ANKRD12: variants seen among roughly 807,000 people sequenced by gnomAD.
The protein encoded by ANKRD12 is ankyrin repeat domain-containing protein 12.
ANKRD12 carries 85 observed loss-of-function variants against 183.4 expected under a neutral mutation model. That is an observed-to-expected ratio of 0.46 (90% CI 0.39 to 0.56). The LOEUF is 0.56. Ranked by LOEUF, ANKRD12 falls within the 20% of genes least tolerant of loss-of-function variation. The pLI is 0.00. For missense variants in ANKRD12, 2,405 were observed against 2,357.1 expected (o/e 1.02, Z -0.42); for synonymous variants, 914 against 800.2 (o/e 1.14, Z -2.40).
At chr18:9,261,777 A>G (rs1230273701) in intron 9 of ANKRD12, among the ~76,000 whole-genome samples, 4 of 152,066 alleles carry the variant, frequency 2.6e-5, no homozygotes, top group Admixed American at 2.0e-4. Flanking sequence ...TTCCCACATG[A>G]TTCGTTTCAC....
intron 11 of ANKRD12, among the ~76,000 whole-genome samples, chr18:9,279,095 CATGAGAAAGAATTT>C (rs2039989766): frequency 1.9e-3 from 1 of 540 alleles, no homozygotes; most frequent in Non-Finnish European, 4.2e-3. Flanking sequence ...AGAATTTCTT[CATGAGAAAGAATTT>C]CTTCATGAGC....
At chr18:9,261,458 CAGAATTGTAAGATTGTAA>C (rs1466950638) in intron 9 of ANKRD12, among the ~76,000 whole-genome samples, 4 of 152,114 alleles carry the variant, frequency 2.6e-5, no homozygotes, top group Non-Finnish European at 5.9e-5. Flanking sequence ...TAGATCTTTA[CAGAATTGTAAGATTGTAA>C]AGAATTGTAA....
intron 10 of ANKRD12, among the ~76,000 whole-genome samples, chr18:9,273,876 C>T (rs2039716706): frequency 6.6e-6 from 1 of 152,100 alleles, no homozygotes; most frequent in South Asian, 2.1e-4. Flanking sequence ...CTTCATCTGA[C>T]ATAGATTAAC....
At chr18:9,145,745 T>G (rs1409081919) in intron 1 of ANKRD12, among the ~76,000 whole-genome samples, 4 of 152,226 alleles carry the variant, frequency 2.6e-5, no homozygotes, top group Non-Finnish European at 2.9e-5. Context: ...TAATAAAAAT[T>G]AATTTCCAAG....
chr18:9,254,340 TTGA>T lies in ANKRD12; in HGVS notation c.1077_1079del (p.Asp359del). ...AGTAAAACACCTCTTCCATCTGCCCTTGATGAGTATGAGTTCAAAGATGATGAT... is the reference window on the plus strand; with the variant it reads ...AGTAAAACACCTCTTCCATCTGCCCTTGAGTATGAGTTCAAAGATGATGAT... On this transcript the variant is annotated inframe_deletion, in exon 9 of 13. Coordinates refer to ENST00000262126, the MANE Select transcript of ANKRD12 (RefSeq NM_015208.5). 1 of 1,613,070 alleles carries T rather than the reference TTGA, an allele frequency of 6.2e-7. No homozygotes were observed. Among genetic ancestry groups the T allele is most frequent in the Non-Finnish European group, 8.5e-7 (1 of 1,179,500 alleles).
chr18:9,234,122 A>G lies in ANKRD12; in HGVS notation c.943+12123A>G, dbSNP rs76689723. Among the ~76,000 whole-genome samples, 651 of 152,238 alleles carry G rather than the reference A, an allele frequency of 4.3e-3. 4 individuals are homozygous for G. The highest frequency in any genetic ancestry group is 0.015 in the African/African-American group (626 of 41,528). ...TCAGCAGAGCCGCACAGAATGGAGA[A>G]GGAATCCACCCTTCGTACACAGGCC... On this transcript the variant is annotated intron_variant, in intron 8 of 12. Coordinates refer to ENST00000262126, the MANE Select transcript of ANKRD12 (RefSeq NM_015208.5).
intron 8 of ANKRD12, among the ~76,000 whole-genome samples, chr18:9,253,120 A>C (rs1469261836): frequency 6.6e-6 from 1 of 152,200 alleles, no homozygotes; most frequent in East Asian, 1.9e-4. Context: ...TGTGGGGTAC[A>C]TGTGATATTT....
At chr18:9,248,888 T>G (rs2038119583) in intron 8 of ANKRD12, among the ~76,000 whole-genome samples, 1 of 152,208 alleles carries the variant, frequency 6.6e-6, no homozygotes, top group Non-Finnish European at 1.5e-5. Context: ...ATTGCTGAGT[T>G]TAGAGGAAAC....
At chr18:9,208,850 A>T in intron 5 of ANKRD12, 47 bp downstream of exon 5, 1 of 1,437,442 alleles carries the variant, frequency 7.0e-7, no homozygotes, top group South Asian at 1.6e-5. Context: ...AGTTTTCCTC[A>T]GGCAACTGTA....
intron 6 of ANKRD12, among the ~76,000 whole-genome samples, chr18:9,212,477 A>G (rs57907646): frequency 0.78 from 118,734 of 151,688 alleles, 46,693 homozygotes; most frequent in Middle Eastern, 0.88. Context: ...AGATATTTCT[A>G]TATATTCTTA....
chr18:9,150,943 G>A (rs542197339), intron 1 of ANKRD12, among the ~76,000 whole-genome samples: 1 of 146,580 alleles, frequency 6.8e-6, no homozygotes, highest in East Asian at 2.0e-4. Flanking sequence ...GTAAGCCATC[G>A]CGCCCAGCCA....
At chr18:9,274,741 TG>T (rs1011671141) in intron 10 of ANKRD12, among the ~76,000 whole-genome samples, 2 of 152,200 alleles carry the variant, frequency 1.3e-5, no homozygotes, top group Non-Finnish European at 2.9e-5. Context: ...TTTCTACTTT[TG>T]GAACACTGGG....
At chr18:9,195,313 A>G (rs1399314182) in intron 2 of ANKRD12, among the ~76,000 whole-genome samples, 1 of 152,200 alleles carries the variant, frequency 6.6e-6, no homozygotes, top group African/African-American at 2.4e-5. Flanking sequence ...AAACCTGCAC[A>G]GGTACCCCTG....
Position 9,257,712 on chromosome 18 carries a change from C to T in ANKRD12, c.4445C>T (p.Pro1482Leu), listed in dbSNP as rs777011650. ...ELPGNSCAQD[P>L]ASFMPPQQPC... ...CCAGGAAACTCTTGTGCTCAGGATC[C>T]GGCATCCTTTATGCCTCCACAGCAG... The change falls in exon 9 of 13, where the codon CCG (proline) becomes CTG (leucine). Residue 1482 changes from proline to leucine, a missense_variant. Physicochemically the swap from Pro to Leu is moderately conservative, Grantham distance 98 (BLOSUM62 -3). This residue lies in a region of ANKRD12 where 1,983 missense variants were observed against 1,725.9 expected (regional missense o/e 1.15). Coordinates refer to ENST00000262126, the MANE Select transcript of ANKRD12 (RefSeq NM_015208.5). The T allele has an allele frequency of 9.9e-6, 16 of 1,613,970 alleles. No homozygotes were observed. The highest frequency in any genetic ancestry group is 3.3e-5 in the South Asian group (3 of 91,074).
chr18:9,280,954 T>C lies in ANKRD12; in HGVS notation c.6017T>C (p.Met2006Thr). Residue 2006 changes from methionine to threonine, a missense_variant, in exon 13 of 13, where the codon ATG becomes ACG. Coordinates refer to ENST00000262126, the MANE Select transcript of ANKRD12 (RefSeq NM_015208.5). ...KFDKLKTCLL[M>T]RQQHEAAALN... ...TCTTTTAAATAGACCTGTCTTTTAA[T>C]GAGGCAACAACATGAAGCTGCGGCT... 1 of 1,611,308 alleles carries C rather than the reference T, an allele frequency of 6.2e-7. No individual in the cohort carries two copies. Among genetic ancestry groups the C allele is most frequent in the Non-Finnish European group, 8.5e-7 (1 of 1,179,372 alleles).
chr18:9,186,237 A>G (rs2034054226), intron 2 of ANKRD12, among the ~76,000 whole-genome samples: 1 of 152,082 alleles, frequency 6.6e-6, no homozygotes, highest in East Asian at 1.9e-4. Flanking sequence ...TGTAGCAACA[A>G]TAGCAAAAAC....
In ANKRD12 at chr18:9,239,430, G is replaced by A. The variant is rs865787595; in HGVS notation, c.944-14781G>A. ...TTCTAGAACCTTTTTGATTTTCACTGATCTTGATTGTTTCATGTGTTCATC... is the reference window on the plus strand; with the variant it reads ...TTCTAGAACCTTTTTGATTTTCACTAATCTTGATTGTTTCATGTGTTCATC... On this transcript the variant is annotated intron_variant, in intron 8 of 12. Coordinates refer to ENST00000262126, the MANE Select transcript of ANKRD12 (RefSeq NM_015208.5). 8.8e-6 allele frequency: 8 copies of A among 913,302 alleles called. No homozygotes were observed. In the Middle Eastern group the frequency reaches 1.1e-3, roughly 121 times the overall value. 56.6% of individuals were successfully genotyped at this position (913,302 alleles called of 1,614,324 possible).
chr18:9,216,057 G>A (rs992298521), intron 6 of ANKRD12, among the ~76,000 whole-genome samples: 5 of 148,868 alleles, frequency 3.4e-5, no homozygotes, highest in African/African-American at 1.2e-4. Context: ...GTATGATCCA[G>A]GCACTGAAAC....
At chr18:9,174,282 G>T (rs1297525292) in intron 1 of ANKRD12, among the ~76,000 whole-genome samples, 2 of 152,228 alleles carry the variant, frequency 1.3e-5, no homozygotes, top group Non-Finnish European at 2.9e-5. Flanking sequence ...GTGGGTTGAG[G>T]TGCCATGGAA....
Sources: allele counts gnomAD v4.1 joint callset (sites outside exome capture counted in the v4.1 genomes callset), GRCh38; gene constraint gnomAD v4.1.1; regional missense constraint gnomAD v4.1.1; transcripts MANE v1.5; gene names NCBI Gene and HGNC (gene_info 2026-07-23, HGNC 2026-07-21).